The following FIBCD1 variants were observed in gnomAD, a reference collection of about 807,000 sequenced individuals.
FIBCD1 encodes fibrinogen C domain containing 1, also known as fibrinogen C domain-containing protein 1.
In FIBCD1, 47 loss-of-function variants were observed where a neutral mutation model predicts 45.1. That is an observed-to-expected ratio of 1.04 (90% CI 0.82 to 1.33). The LOEUF is 1.33. Among genes scored for constraint, FIBCD1 ranks in the 40% most tolerant of loss-of-function variants. The probability of loss-of-function intolerance (pLI) is 0.00; values close to 1 mark genes in which losing one functional copy is unlikely to be tolerated. For missense variants in FIBCD1, 653 were observed against 682.2 expected, an observed-to-expected ratio of 0.96 and a Z score of 0.48; for synonymous variants, 313 against 308.1, an observed-to-expected ratio of 1.02 and a Z score of -0.17.
chr9:130,937,866 G>C (rs1246026063), intron 1 of FIBCD1, among the ~76,000 whole-genome samples: 1 of 152,224 alleles, frequency 6.6e-6, no homozygotes, highest in Non-Finnish European at 1.5e-5. Context: ...CCCCTGAAGA[G>C]GCAGCAGGAA....
In FIBCD1 at chr9:130,904,228, C is replaced by A; in HGVS notation, c.1222G>T (p.Ala408Ser). 1 of 1,613,796 alleles carries A rather than the reference C, an allele frequency of 6.2e-7. No individual in the cohort carries two copies. The highest frequency in any genetic ancestry group is 1.6e-4 in the Middle Eastern group (1 of 6,062). ...ENNCAAFYRG[A>S]WWYRNCHTSN... ...GTGTGGCAGTTGCGGTACCACCAGG[C>A]ACCGCGGTAGAAGGCGGCACAGTTG... Residue 408 changes from alanine (A) to serine (S), a missense_variant, in exon 7 of 7, where the codon GCC becomes TCC. By Grantham distance (99) the Ala-to-Ser change is moderately conservative. Coordinates refer to ENST00000372338, the MANE Select transcript of FIBCD1 (RefSeq NM_032843.5).
At chr9:130,919,457 G>A (rs7030955) in intron 4 of FIBCD1, among the ~76,000 whole-genome samples, 34,069 of 152,112 alleles carry the variant, frequency 0.22, 4,185 homozygotes, top group East Asian at 0.5. Flanking sequence ...CTCATCTGTT[G>A]GACCCCGAGG....
intron 1 of FIBCD1, chr9:130,938,214 G>T: frequency 3.5e-6 from 1 of 286,808 alleles, no homozygotes; most frequent in East Asian, 6.9e-5. Flanking sequence ...GGGCTGATTT[G>T]TCTGTGGACA....
chr9:130,914,061 C>T (rs1169692850), intron 4 of FIBCD1, among the ~76,000 whole-genome samples: 1 of 152,018 alleles, frequency 6.6e-6, no homozygotes, highest in Non-Finnish European at 1.5e-5. Flanking sequence ...CCACGCCTTC[C>T]TCCCAGGCTA....
intron 4 of FIBCD1, among the ~76,000 whole-genome samples, chr9:130,916,121 G>A (rs1832156470): frequency 6.6e-6 from 1 of 152,102 alleles, no homozygotes; most frequent in South Asian, 2.1e-4. Context: ...AGTAGAGACG[G>A]GCTTTCACGA....
At chr9:130,940,658 C>A (rs1832607473), upstream of FIBCD1, among the ~76,000 whole-genome samples, 1 of 152,236 alleles carries the variant, frequency 6.6e-6, no homozygotes, top group African/African-American at 2.4e-5. Flanking sequence ...TTCAGAAGGG[C>A]TCTGCCACAG....
intron 4 of FIBCD1, among the ~76,000 whole-genome samples, chr9:130,912,587 A>G (rs1402024015): frequency 6.6e-6 from 1 of 151,672 alleles, no homozygotes; most frequent in Non-Finnish European, 1.5e-5. Flanking sequence ...TGCACCTGTA[A>G]TCCCAGCTAC....
At chr9:130,924,151 T>A in intron 3 of FIBCD1, 86 bp downstream of exon 3, 1 of 1,447,058 alleles carries the variant, frequency 6.9e-7, no homozygotes, top group African/African-American at 1.4e-5. Flanking sequence ...TGGAGTCTCA[T>A]GGCTGGGGAA....
chr9:130,938,483 C>A, intron 1 of FIBCD1, 53 bp downstream of exon 1: 2 of 1,400,608 alleles, frequency 1.4e-6, no homozygotes, highest in Non-Finnish European at 1.9e-6. Context: ...CCGGCCCGAG[C>A]GGCCACCGCC....
At chr9:130,930,775 C>G (rs1203830436) in intron 1 of FIBCD1, 1 of 456,048 alleles carries the variant, frequency 2.2e-6, no homozygotes, top group Non-Finnish European at 4.4e-6. Context: ...GGCCTCACCT[C>G]TCTGAGCCTC....
chr9:130,924,765 T>C (rs1447773285), intron 2 of FIBCD1, among the ~76,000 whole-genome samples: 1 of 152,154 alleles, frequency 6.6e-6, no homozygotes, highest in Admixed American at 6.5e-5. Context: ...GTGCCCCGTG[T>C]TGGGCAAATC....
At chr9:130,906,549 G>GC (rs1478238253) in intron 5 of FIBCD1, among the ~76,000 whole-genome samples, 1 of 152,206 alleles carries the variant, frequency 6.6e-6, no homozygotes, top group Non-Finnish European at 1.5e-5. Flanking sequence ...CCAAGGACCT[G>GC]CCAGGGCATG....
intron 1 of FIBCD1, among the ~76,000 whole-genome samples, chr9:130,936,683 G>T (rs548310327): frequency 6.6e-6 from 1 of 152,254 alleles, no homozygotes; most frequent in African/African-American, 2.4e-5. Context: ...CTTCCTGGCC[G>T]AAGCGTCATG....
Position 130,924,309 on chromosome 9 carries a change from C to T in FIBCD1, c.640G>A (p.Gly214Ser). ...AGGTCGGCCTTGTTGCGGGGCCGGCCCAGCCCCCGGTCCCTCTGCAGGGCA... is the reference window on the plus strand; with the variant it reads ...AGGTCGGCCTTGTTGCGGGGCCGGCTCAGCCCCCGGTCCCTCTGCAGGGCA... ...LDALQRDRGL[G>S]RPRNKADLQR... The change falls in exon 3 of 7, where the codon GGC (glycine) becomes AGC (serine). Residue 214 changes from glycine (G) to serine (S), a missense_variant. Physicochemically the swap from Gly to Ser is moderately conservative, Grantham distance 56. Transcript: ENST00000372338. 2 of 1,605,504 alleles carry T rather than the reference C, an allele frequency of 1.2e-6. No homozygotes were observed. Among genetic ancestry groups the T allele is most frequent in the Non-Finnish European group, 1.7e-6 (2 of 1,177,470 alleles).
In FIBCD1 at chr9:130,904,029, A is replaced by G. The variant is rs1179505332; in HGVS notation, c.*35T>C. 3 of 1,606,484 alleles carry G rather than the reference A, an allele frequency of 1.9e-6. No individual in the cohort carries two copies. The highest frequency in any genetic ancestry group is 1.3e-5 in the African/African-American group (1 of 74,806). ...GAGGTGGGGTCGGGGATGGGGCGAC[A>G]GGGACCAGCAGGGCCAAGGACAAGG... On this transcript the variant is annotated 3_prime_UTR_variant, in exon 7 of 7. Coordinates refer to ENST00000372338, the MANE Select transcript of FIBCD1 (RefSeq NM_032843.5).
intron 4 of FIBCD1, among the ~76,000 whole-genome samples, chr9:130,912,200 G>T (rs553165739): frequency 2.0e-5 from 3 of 152,162 alleles, no homozygotes; most frequent in Admixed American, 6.5e-5. Flanking sequence ...AAGGAAGGCT[G>T]AGCCCAGGAG....
chr9:130,916,694 C>T (rs769850683), intron 4 of FIBCD1, among the ~76,000 whole-genome samples: 6 of 152,330 alleles, frequency 3.9e-5, no homozygotes, highest in Middle Eastern at 3.4e-3. Context: ...AATTACACAG[C>T]GAGGACCAGT....
intron 4 of FIBCD1, among the ~76,000 whole-genome samples, chr9:130,918,375 G>A (rs562582070): frequency 1.3e-5 from 2 of 152,328 alleles, no homozygotes; most frequent in Admixed American, 6.5e-5. Context: ...AGGAATGGGG[G>A]GTGGGTGGGT....
chr9:130,933,442 G>C (rs1302288652), intron 1 of FIBCD1, among the ~76,000 whole-genome samples: 1 of 152,196 alleles, frequency 6.6e-6, no homozygotes, highest in Non-Finnish European at 1.5e-5. Context: ...GAGCAGGAGA[G>C]AGACCGGGGC....
Sources: allele counts gnomAD v4.1 joint callset (sites outside exome capture counted in the v4.1 genomes callset), GRCh38; gene constraint gnomAD v4.1.1; transcripts MANE v1.5; gene names NCBI Gene and HGNC (gene_info 2026-07-23, HGNC 2026-07-21).